EFHC2: variants seen among roughly 807,000 people sequenced by gnomAD.
EFHC2 encodes EF-hand domain containing 2.
Under a neutral mutation model 52.7 loss-of-function variants are expected in EFHC2, and 18 were observed. The ratio of observed to expected loss-of-function variants is 0.34; its 90% CI spans 0.24 to 0.51. The LOEUF is 0.51. EFHC2 is among the 20% of genes least tolerant of loss of function. The pLI is 0.97. For synonymous variants in EFHC2, 203 were observed against 204.1 expected (o/e 0.99, Z 0.04); for missense variants, 513 against 562.5 (o/e 0.91, Z 0.89).
At chrX:44,262,656 A>T (rs868056526) in intron 3 of EFHC2, among the ~76,000 whole-genome samples, 7 of 111,278 alleles carry the variant, frequency 6.3e-5, no homozygotes, top group Admixed American at 9.5e-5. Flanking sequence ...AGAAGACAGG[A>T]GGTGCCTTGG....
rs770483817 is a variant in EFHC2, at chrX:44,233,010, C to CA, written c.1424-334dup. On this transcript the variant is annotated intron_variant, in intron 9 of 14. Coordinates refer to ENST00000420999, the MANE Select transcript of EFHC2 (RefSeq NM_025184.4). The stretch of plus-strand genomic sequence containing the variant: ...ATAGCAAGATTCCATCTCAAAAAAA[C>CA]AAAAAAAAGAAAAAACAGAGAAAAA... Among the ~76,000 whole-genome samples the CA allele has an allele frequency of 2.9e-4, 32 of 110,355 alleles. No homozygotes were observed. In the South Asian group the frequency reaches 4.6e-3, roughly 16 times the overall value.
chrX:44,328,642 G>A (rs188634417), intron 1 of EFHC2, among the ~76,000 whole-genome samples: 15 of 112,076 alleles, frequency 1.3e-4, no homozygotes, highest in African/African-American at 4.9e-4. Context: ...GCTGCAGAAA[G>A]CAAAAAGTAT....
chrX:44,306,467 T>C (rs1255006666), intron 2 of EFHC2, among the ~76,000 whole-genome samples: 1 of 111,264 alleles, frequency 9.0e-6, no homozygotes, highest in African/African-American at 3.3e-5. Context: ...TGGCCAAAAG[T>C]GAGTCATGCG....
At chrX:44,273,002 T>C (rs997683894) in intron 2 of EFHC2, among the ~76,000 whole-genome samples, 166 bp from the exon 3 acceptor site, 2 of 112,402 alleles carry the variant, frequency 1.8e-5, no homozygotes, top group East Asian at 5.6e-4. Context: ...ATATACAATC[T>C]AAGATACAAT....
At chrX:44,250,088 T>A in intron 5 of EFHC2, 106 bp downstream of exon 5, 1 of 962,048 alleles carries the variant, frequency 1.0e-6, no homozygotes. Flanking sequence ...ATACCTGCAC[T>A]AGTGCATGGT....
intron 11 of EFHC2, among the ~76,000 whole-genome samples, chrX:44,208,628 T>C (rs5953343): frequency 0.31 from 33,917 of 110,250 alleles, 4,163 homozygotes; most frequent in African/African-American, 0.45. Context: ...ACATGTACCT[T>C]CTGAATCTAA....
chrX:44,335,203 A>T (rs2038109341), intron 1 of EFHC2, among the ~76,000 whole-genome samples: 1 of 98,652 alleles, frequency 1.0e-5, no homozygotes, highest in Middle Eastern at 4.8e-3. Context: ...TTTAAAAATT[A>T]AAAAAAAAAG....
At chrX:44,337,119 G>A (rs962788913) in intron 1 of EFHC2, among the ~76,000 whole-genome samples, 1 of 111,222 alleles carries the variant, frequency 9.0e-6, no homozygotes, top group Non-Finnish European at 1.9e-5. Context: ...CCTACTTTTT[G>A]AAAAAGTAAA....
chrX:44,228,513 C>T (rs1327096107), intron 11 of EFHC2, among the ~76,000 whole-genome samples: 1 of 112,149 alleles, frequency 8.9e-6, no homozygotes, highest in Non-Finnish European at 1.9e-5. Flanking sequence ...TTTTCCAAAA[C>T]ACTATGAACA....
intron 8 of EFHC2, among the ~76,000 whole-genome samples, chrX:44,237,297 A>G (rs758845818): frequency 9.0e-5 from 10 of 111,446 alleles, no homozygotes; most frequent in Non-Finnish European, 1.7e-4. Context: ...ATGTTTTCAG[A>G]TATTTCCCTA....
At chrX:44,202,545 T>C (rs2037014970) in intron 11 of EFHC2, among the ~76,000 whole-genome samples, 1 of 112,412 alleles carries the variant, frequency 8.9e-6, no homozygotes, top group Non-Finnish European at 1.9e-5. Context: ...AGATACATTA[T>C]ATTTATGGAT....
chrX:44,248,718 A>T, intron 6 of EFHC2, 85 bp downstream of exon 6: 1 of 736,281 alleles, frequency 1.4e-6, no homozygotes, highest in Non-Finnish European at 2.1e-6. Context: ...ACAATCTCAC[A>T]AGAGAAGAGT....
At chrX:44,208,605 G>GT (rs2037067285) in intron 11 of EFHC2, among the ~76,000 whole-genome samples, 1 of 111,431 alleles carries the variant, frequency 9.0e-6, no homozygotes, top group South Asian at 3.8e-4. Flanking sequence ...AAATACACAT[G>GT]TAACAAACCT....
intron 13 of EFHC2, among the ~76,000 whole-genome samples, chrX:44,168,171 C>T (rs1211106065): frequency 2.7e-5 from 3 of 111,534 alleles, no homozygotes; most frequent in Non-Finnish European, 5.6e-5. Context: ...TAAGTGACTG[C>T]AGACTCCAGG....
At chrX:44,282,228 T>C (rs1232780237) in intron 2 of EFHC2, among the ~76,000 whole-genome samples, 2 of 108,878 alleles carry the variant, frequency 1.8e-5, no homozygotes, top group Non-Finnish European at 3.8e-5. Context: ...TGGAGTATTA[T>C]AAAGGCACCA....
intron 11 of EFHC2, among the ~76,000 whole-genome samples, chrX:44,218,619 C>T (rs2147310918): frequency 8.9e-6 from 1 of 112,235 alleles, no homozygotes; most frequent in South Asian, 3.6e-4. Context: ...AAAGCTAAAA[C>T]CATAAAGCTA....
chrX:44,290,410 T>C (rs113228167), intron 2 of EFHC2, among the ~76,000 whole-genome samples: 12,750 of 111,431 alleles, frequency 0.11, 701 homozygotes, highest in Admixed American at 0.25. Context: ...ATACTTATTT[T>C]TTTCTGTAGA....
chrX:44,182,233 T>C (rs952571803), intron 11 of EFHC2, among the ~76,000 whole-genome samples: 4 of 112,547 alleles, frequency 3.6e-5, no homozygotes, highest in Non-Finnish European at 5.6e-5. Flanking sequence ...ATCCATGTAG[T>C]AGCATGTATC....
At position 44,307,696 on chromosome X, in the gene EFHC2, G is replaced by A. The variant is rs1354785606; in HGVS notation, c.231+4872C>T. Among the ~76,000 whole-genome samples, 5 of 111,552 alleles carry A rather than the reference G, an allele frequency of 4.5e-5. No homozygotes were observed. The Admixed American group carries it at 4.8e-4, about 11-fold the overall frequency. Reference sequence around the variant, plus strand: ...TGCCTGTAATCCCAGCACTTTAGGAGGCTGAGGTGGGTGGATCACCTGAGG... The same window carrying A: ...TGCCTGTAATCCCAGCACTTTAGGAAGCTGAGGTGGGTGGATCACCTGAGG... On this transcript the variant is annotated intron_variant, in intron 2 of 14. Transcript: ENST00000420999.
Sources: allele counts gnomAD v4.1 joint callset (sites outside exome capture counted in the v4.1 genomes callset), GRCh38; gene constraint gnomAD v4.1.1; transcripts MANE v1.5; gene names NCBI Gene and HGNC (gene_info 2026-07-23, HGNC 2026-07-21).